The following RNF213 variants were observed in gnomAD, a reference collection of about 807,000 sequenced individuals.
The protein encoded by RNF213 is ring finger protein 213.
Under a neutral mutation model 514.4 loss-of-function variants are expected in RNF213, and 341 were observed. The ratio of observed to expected loss-of-function variants is 0.66; its 90% CI spans 0.61 to 0.73. The LOEUF (loss-of-function observed/expected upper bound fraction) is 0.73, where lower values mean the gene tolerates loss of function less well. Among genes scored for constraint, RNF213 ranks in the 30% least tolerant of loss-of-function variants. The pLI is 0.00. For synonymous variants in RNF213, 2,655 were observed against 2,658.2 expected (o/e 1.00, Z 0.04); for missense variants, 5,767 against 6,615.6 (o/e 0.87, Z 4.45).
intron 17 of RNF213, 126 bp from the exon 18 acceptor site, chr17:80,324,904 G>T: frequency 1.1e-6 from 1 of 941,394 alleles, no homozygotes; most frequent in Non-Finnish European, 1.6e-6. Context: ...TGCTCTTTTT[G>T]TGGCCTTATA....
In RNF213 at chr17:80,346,314, C is replaced by T. The variant is rs748937258; in HGVS notation, c.7979C>T (p.Ala2660Val). The change falls in exon 29 of 68, where the codon GCG (alanine) becomes GTG (valine). Residue 2660 changes from alanine to valine, a missense_variant. By Grantham distance (64) the Ala-to-Val change is moderately conservative. Coordinates refer to ENST00000582970, the MANE Select transcript of RNF213 (RefSeq NM_001256071.3). The surrounding 1 kb of genome is among the most constrained non-coding windows in gnomAD (Gnocchi z 8.1). ...CACGAGCACAGCGCGATGCTCTTAGCGCAGCTGAATGCCTTTCTCTCCAAG... is the reference window on the plus strand; with the variant it reads ...CACGAGCACAGCGCGATGCTCTTAGTGCAGCTGAATGCCTTTCTCTCCAAG... ...WFHEHSAMLL[A>V]QLNAFLSKSS... The T allele has an allele frequency of 1.2e-5, 19 of 1,613,904 alleles. No homozygotes were observed. The highest frequency in any genetic ancestry group is 1.6e-4 in the Middle Eastern group (1 of 6,084).
rs1241178726 is a variant in RNF213, at chr17:80,363,138, C to T, written c.11392C>T (p.Leu3798=). ...GGCTCTGTGGTCCTGCACTAGGAAA[C>T]TGAAAGCGGCGTCAGAAGCGCCCGA... ...QMALWSCTRK[L]KAASEAPEEE... is the part of the protein sequence containing the mutation. Residue 3798 remains leucine (L), a synonymous_variant, in exon 40 of 68, where the codon CTG becomes TTG. Transcript: ENST00000582970. The T allele has an allele frequency of 6.2e-7, 1 of 1,614,120 alleles. No homozygotes were observed. The highest frequency in any genetic ancestry group is 1.3e-5 in the African/African-American group (1 of 74,954).
chr17:80,290,341 G>T (rs1353237458), intron 6 of RNF213, among the ~76,000 whole-genome samples: 1 of 152,066 alleles, frequency 6.6e-6, no homozygotes, highest in Non-Finnish European at 1.5e-5. Context: ...GTGCGCACGT[G>T]TGTGCGTGTG....
chr17:80,263,902 G>A lies in RNF213; in HGVS notation c.97+124G>A. 1 of 732,562 alleles carries A rather than the reference G, an allele frequency of 1.4e-6. No homozygotes were observed. Among genetic ancestry groups the A allele is most frequent in the South Asian group, 1.5e-5 (1 of 65,744 alleles). The allele number at this position is 732,562 out of a possible 1,614,324, so 45.4% of individuals were successfully genotyped here. A position where few individuals can be genotyped will look rare whatever the true frequency, so the allele number is the denominator to read the frequency against. On this transcript the variant is annotated intron_variant, in intron 2 of 67. Coordinates refer to ENST00000582970, the MANE Select transcript of RNF213 (RefSeq NM_001256071.3). The surrounding 1 kb of genome is among the most constrained non-coding windows in gnomAD (Gnocchi z 4.9). ...TCAGGTGGGGCCGAGGTCCTCTGTG[G>A]CTACTGAGGCTCTGTGGCTCTGAAT...
chr17:80,309,005 CTT>C lies in RNF213; in HGVS notation c.2502-11_2502-10del, dbSNP rs751005876. 3.7e-6 allele frequency: 6 copies of C among 1,613,648 alleles called. No homozygotes were observed. The highest frequency in any genetic ancestry group is 1.7e-5 in the Admixed American group (1 of 60,000). On this transcript the variant is annotated splice_polypyrimidine_tract_variant and intron_variant, in intron 13 of 67. Transcript: ENST00000582970. ...ATCCTTGCCGGGATTTCTCTTAACT[CTT>C]TGCGGGGCAGGATTCCCGAGGAGGC...
chr17:80,284,677 G>T (rs2044409678), intron 3 of RNF213, among the ~76,000 whole-genome samples: 1 of 152,190 alleles, frequency 6.6e-6, no homozygotes, highest in South Asian at 2.1e-4. Flanking sequence ...CTTGGTGCAG[G>T]CGTCTCCGGC....
chr17:80,318,979 A>G (rs74790219), intron 16 of RNF213, among the ~76,000 whole-genome samples: 18,628 of 152,234 alleles, frequency 0.12, 1,480 homozygotes, highest in Middle Eastern at 0.29. Context: ...CTTTTTCTGC[A>G]GAGTGGGAAA....
rs749734369 is a variant in RNF213 at position 80,291,774 on chromosome 17, G to A, written c.1418G>A (p.Gly473Asp). ...EFIYKHQQKK[G>D]EYVNRCLFIK... is the part of the protein sequence containing the mutation. The stretch of plus-strand genomic sequence containing the variant: ...ATTTACAAGCACCAGCAGAAGAAGG[G>A]CGAGTACGTCAACCGCTGTCTGTTC... The change falls in exon 8 of 68, where the codon GGC becomes GAC. Residue 473 changes from glycine (G) to aspartate (D), a missense_variant. Around this residue, in one of 13 missense-constraint regions of RNF213, gnomAD observed 592 missense variants for 673.9 expected, o/e 0.88. Transcript: ENST00000582970. 22 of 1,614,082 alleles carry A rather than the reference G, an allele frequency of 1.4e-5. No homozygotes were observed. Among genetic ancestry groups the A allele is most frequent in the African/African-American group, 2.7e-5 (2 of 74,920 alleles).
chr17:80,351,414 C>T (rs572295345), intron 31 of RNF213, among the ~76,000 whole-genome samples: 12 of 152,228 alleles, frequency 7.9e-5, no homozygotes, highest in East Asian at 1.9e-4. Flanking sequence ...TTCTGGTCAA[C>T]GAAGGAATGC....
Position 80,288,658 on chromosome 17 carries a change from C to T in RNF213, c.836C>T (p.Ala279Val). The T allele has an allele frequency of 6.2e-7, 1 of 1,614,154 alleles. No individual in the cohort carries two copies. Among genetic ancestry groups the T allele is most frequent in the Non-Finnish European group, 8.5e-7 (1 of 1,180,036 alleles). The change falls in exon 5 of 68, where the codon GCC (alanine) becomes GTC (valine). Residue 279 changes from alanine to valine, a missense_variant. Physicochemically the swap from Ala to Val is moderately conservative, Grantham distance 64 (BLOSUM62 0). Around this residue, in one of 13 missense-constraint regions of RNF213, gnomAD observed 509 missense variants for 496.7 expected, o/e 1.02. Transcript: ENST00000582970. The surrounding 1 kb of genome is among the most constrained non-coding windows in gnomAD (Gnocchi z 4.9). ...SMAVDAVAEP[A>V]NAVKGAGKEM... The stretch of plus-strand genomic sequence containing the variant: ...GCAGTTGATGCTGTAGCTGAGCCAG[C>T]CAATGCAGTTAAAGGGGCCGGGAAG...
At position 80,373,058 on chromosome 17, in the gene RNF213, C is replaced by G. The variant is rs1414630873; in HGVS notation, c.12835C>G (p.Leu4279Val). Residue 4279 changes from leucine to valine, a missense_variant, in exon 49 of 68, where the codon CTG (leucine) becomes GTG (valine). Physicochemically the swap from Leu to Val is conservative, Grantham distance 32. Around this residue, in one of 13 missense-constraint regions of RNF213, gnomAD observed 1,245 missense variants for 1,339.0 expected, o/e 0.93. Transcript: ENST00000582970. Reference sequence around the variant, plus strand: ...GGAGAACGACTGGCACCGGGTGTACCTGGTGCGGAAGCTCAGCAGCCAGCG... The same window carrying G: ...GGAGAACGACTGGCACCGGGTGTACGTGGTGCGGAAGCTCAGCAGCCAGCG... Reference protein sequence around the residue: ...RVENDWHRVYLVRKLSSQRGM... With the variant: ...RVENDWHRVYVVRKLSSQRGM... 1 of 1,613,922 alleles carries G rather than the reference C, an allele frequency of 6.2e-7. No individual in the cohort carries two copies. The highest frequency in any genetic ancestry group is 1.3e-5 in the African/African-American group (1 of 74,892).
intron 55 of RNF213, 64 bp from the exon 56 acceptor site, chr17:80,380,767 G>C: frequency 1.3e-6 from 2 of 1,596,088 alleles, no homozygotes; most frequent in African/African-American, 1.3e-5. Flanking sequence ...CAAGTGCTGA[G>C]AAAGTGCAGC....
In RNF213 at chr17:80,325,107, T is replaced by C; in HGVS notation, c.3102T>C (p.Thr1034=). 1 of 1,537,202 alleles carries C rather than the reference T, an allele frequency of 6.5e-7. No homozygotes were observed. ...KFGIVLSAVI[T]KSWPRTADNF... Reference sequence around the variant, plus strand: ...GCATCGTCTTGTCTGCTGTGATCACTAAGTCCTGGCCTAGGACCGCGGACA... The same window carrying C: ...GCATCGTCTTGTCTGCTGTGATCACCAAGTCCTGGCCTAGGACCGCGGACA... The change falls in exon 18 of 68, where the codon ACT becomes ACC. Residue 1034 remains threonine (T), a synonymous_variant. Coordinates refer to ENST00000582970, the MANE Select transcript of RNF213 (RefSeq NM_001256071.3).
At chr17:80,390,828 C>T (rs922096711) in intron 67 of RNF213, among the ~76,000 whole-genome samples, 2 of 151,790 alleles carry the variant, frequency 1.3e-5, no homozygotes, top group Non-Finnish European at 2.9e-5. Flanking sequence ...TTTGGGAGGC[C>T]GAGGTGGGTG....
rs2044530131 is a variant in RNF213, at chr17:80,287,873, T to C, written c.320T>C (p.Leu107Pro). Residue 107 changes from leucine (L) to proline (P), a missense_variant, in exon 4 of 68, where the codon CTG (leucine) becomes CCG (proline). Leu to Pro is a moderately conservative substitution (Grantham distance 98). Around this residue, in one of 13 missense-constraint regions of RNF213, gnomAD observed 509 missense variants for 496.7 expected, o/e 1.02. Coordinates refer to ENST00000582970, the MANE Select transcript of RNF213 (RefSeq NM_001256071.3). ...GGGAACAAGTCCGCTTCCTCAGAGC[T>C]GGCTTCCTTGCCCCTTTCTCCTGCC... ...KKGNKSASSE[L>P]ASLPLSPASP... The C allele has an allele frequency of 2.5e-6, 4 of 1,595,780 alleles. No individual in the cohort carries two copies. The highest frequency in any genetic ancestry group is 3.4e-6 in the Non-Finnish European group (4 of 1,171,352).
chr17:80,268,932 A>G (rs2043703958), intron 2 of RNF213, among the ~76,000 whole-genome samples: 1 of 152,192 alleles, frequency 6.6e-6, no homozygotes, highest in Non-Finnish European at 1.5e-5. Flanking sequence ...CCTCAAAAGC[A>G]GGGAAGCCGA....
chr17:80,356,808 T>C (rs1276077976), intron 36 of RNF213, among the ~76,000 whole-genome samples: 1 of 152,256 alleles, frequency 6.6e-6, no homozygotes, highest in East Asian at 1.9e-4. Context: ...CAATAGACAT[T>C]TTAAAATTCT....
chr17:80,351,990 C>T, intron 32 of RNF213, 187 bp downstream of exon 32: 1 of 469,862 alleles, frequency 2.1e-6, no homozygotes, highest in South Asian at 2.4e-5. Context: ...AAGTAGCTGG[C>T]ATTACAGGCG....
At chr17:80,355,832 C>T (rs1355135709) in intron 36 of RNF213, among the ~76,000 whole-genome samples, 7 of 149,336 alleles carry the variant, frequency 4.7e-5, no homozygotes, top group East Asian at 2.0e-4. Flanking sequence ...GGAGAAGAAG[C>T]GGGGTGAACG....
Sources: gnomAD v4.1 joint callset for allele counts (sites outside exome capture counted in the v4.1 genomes callset) on GRCh38, gnomAD v4.1.1 for gene constraint, gnomAD v4.1.1 regional missense constraint, Gnocchi (gnomAD v3.1) non-coding constraint, MANE v1.5 for transcripts, NCBI Gene and HGNC (gene_info 2026-07-23, HGNC 2026-07-21) for gene names.